Variants in OTOF observed in about 807,000 individuals in gnomAD.
OTOF encodes the protein fer-1-like family member 2.
OTOF carries 218 observed loss-of-function variants against 236.8 expected under a neutral mutation model. That is an observed-to-expected ratio of 0.92 (90% CI 0.82 to 1.03). The LOEUF (loss-of-function observed/expected upper bound fraction) is 1.03. Among genes scored for constraint, OTOF ranks in the 50% least tolerant of loss-of-function variants. The pLI is 0.00. For missense variants in OTOF, 2,590 were observed against 2,694.4 expected (o/e 0.96, Z 0.86); for synonymous variants, 1,041 against 1,072.5 (o/e 0.97, Z 0.57).
Position 26,470,594 on chromosome 2 carries a change from TC to T in OTOF, c.4021del (p.Glu1341SerfsTer25). ...KYFASIDTMK[E>X]QLRQQEPSGI... Reference sequence around the variant, plus strand: ...CCCTCACCCTACCCGAGGTCTCACCTCCTTCATGGTGTCAATGGAGGCAAAG... The same window carrying T: ...CCCTCACCCTACCCGAGGTCTCACCTCTTCATGGTGTCAATGGAGGCAAAG... On this transcript the variant is annotated frameshift_variant and splice_region_variant, in exon 32 of 47. Transcript: ENST00000272371. LOFTEE classifies it high-confidence loss of function. This position sits in a 1 kb window ranked among gnomAD's most constrained non-coding sequence, Gnocchi z 4.3. 1 of 1,614,078 alleles carries T rather than the reference TC, an allele frequency of 6.2e-7. No homozygotes were observed. Among genetic ancestry groups the T allele is most frequent in the Non-Finnish European group, 8.5e-7 (1 of 1,179,992 alleles).
intron 39 of OTOF, among the ~76,000 whole-genome samples, chr2:26,464,565 GAGTCACTAGA>G (rs1558469805): frequency 6.6e-6 from 1 of 152,176 alleles, no homozygotes; most frequent in Non-Finnish European, 1.5e-5. Flanking sequence ...GACCTTGGGC[GAGTCACTAGA>G]AGTAGGATCT....
intron 38 of OTOF, 120 bp downstream of exon 38, chr2:26,465,552 C>T (rs1572407392): frequency 9.3e-7 from 1 of 1,079,204 alleles, no homozygotes; most frequent in Non-Finnish European, 1.4e-6. Flanking sequence ...GGGGCAGAGG[C>T]CTGGCCTGGG....
intron 1 of OTOF, among the ~76,000 whole-genome samples, chr2:26,549,280 A>G (rs1376640478): frequency 2.0e-5 from 3 of 152,178 alleles, no homozygotes; most frequent in Non-Finnish European, 2.9e-5. Context: ...ATGTATTGAG[A>G]CTTGTCTAAT....
Position 26,510,834 on chromosome 2 carries a change from C to A in OTOF, c.509+5584G>T, listed in dbSNP as rs575984503. On this transcript the variant is annotated intron_variant, in intron 5 of 46. Coordinates refer to ENST00000272371, the MANE Select transcript of OTOF (RefSeq NM_194248.3). ...GACACTGGCCTCAGCCCCGGCCCCACGGGCCTGCACGCTCCCCGGGGGCCT... is the reference window on the plus strand; with the variant it reads ...GACACTGGCCTCAGCCCCGGCCCCAAGGGCCTGCACGCTCCCCGGGGGCCT... 14 of 833,742 alleles carry A rather than the reference C, an allele frequency of 1.7e-5. No individual in the cohort carries two copies. The African/African-American group carries it at 1.9e-4, about 12-fold the overall frequency. The allele number at this position is 833,742 out of a possible 1,614,324, so 51.6% of individuals were successfully genotyped here. A position where few individuals can be genotyped will look rare whatever the true frequency, so the allele number is the denominator to read the frequency against.
intron 2 of OTOF, among the ~76,000 whole-genome samples, chr2:26,537,221 G>A (rs563379068): frequency 1.4e-4 from 21 of 152,316 alleles, no homozygotes; most frequent in Middle Eastern, 3.4e-3. Context: ...TGGAGATGGC[G>A]CCCTCACTCA....
chr2:26,473,280 G>C lies in OTOF; in HGVS notation c.3585C>G (p.Asn1195Lys), dbSNP rs1338036516. The C allele has an allele frequency of 1.2e-6, 2 of 1,613,138 alleles. No homozygotes were observed. Among genetic ancestry groups the C allele is most frequent in the African/African-American group, 2.7e-5 (2 of 74,906 alleles). ...TGTTCAAGGGCGGGTGCAGCAGCTCGTTCTCTGGGAGGTCCTGGGGTGTTG... is the reference window on the plus strand; with the variant it reads ...TGTTCAAGGGCGGGTGCAGCAGCTCCTTCTCTGGGAGGTCCTGGGGTGTTG... ...VKWFEVDLPE[N>K]ELLHPPLNIR... The change falls in exon 29 of 47, where the codon AAC becomes AAG. Residue 1195 changes from asparagine (N) to lysine (K), a missense_variant. By Grantham distance (94) the Asn-to-Lys change is moderately conservative. Transcript: ENST00000272371. The surrounding 1 kb of genome is among the most constrained non-coding windows in gnomAD (Gnocchi z 7.2).
Position 26,516,750 on chromosome 2 carries a change from T to C in OTOF, c.328-151A>G, listed in dbSNP as rs1666538868. Reference sequence around the variant, plus strand: ...TGGTATGATCCCCTCTGCCCCATTTTGCTGATGAGAAAACAGAGGCTCTGA... The same window carrying C: ...TGGTATGATCCCCTCTGCCCCATTTCGCTGATGAGAAAACAGAGGCTCTGA... On this transcript the variant is annotated intron_variant, in intron 4 of 46. Coordinates refer to ENST00000272371, the MANE Select transcript of OTOF (RefSeq NM_194248.3). 3 of 816,728 alleles carry C rather than the reference T, an allele frequency of 3.7e-6. No individual in the cohort carries two copies. The South Asian group carries it at 4.4e-5, about 12-fold the overall frequency. The allele number at this position is 816,728 out of a possible 1,614,324, so 50.6% of individuals were successfully genotyped here. A position where few individuals can be genotyped will look rare whatever the true frequency, so the allele number is the denominator to read the frequency against.
intron 13 of OTOF, among the ~76,000 whole-genome samples, chr2:26,483,216 C>G (rs897583990): frequency 2.8e-4 from 43 of 151,816 alleles, no homozygotes; most frequent in Admixed American, 2.1e-3. Flanking sequence ...TGTGTGTGTG[C>G]GTGCCTGTGT....
intron 2 of OTOF, among the ~76,000 whole-genome samples, chr2:26,532,124 G>GAAAAAAAAAA (rs145047144): frequency 7.2e-6 from 1 of 139,326 alleles, no homozygotes; most frequent in African/African-American, 3.0e-5. Context: ...AAGACTGAAG[G>GAAAAAAAAAA]AAAAGGGCTT....
chr2:26,503,852 G>T lies in OTOF; in HGVS notation c.510-7C>A. 1.2e-6 allele frequency: 2 copies of T among 1,613,620 alleles called. No individual in the cohort carries two copies. The highest frequency in any genetic ancestry group is 2.2e-5 in the South Asian group (2 of 91,082). ...GAACACGCTCCTCCCGGCTCTGTGAGGGGGGCCACCAGAATGAGGTGCAGG... is the reference window on the plus strand; with the variant it reads ...GAACACGCTCCTCCCGGCTCTGTGATGGGGGCCACCAGAATGAGGTGCAGG... On this transcript the variant is annotated splice_region_variant and splice_polypyrimidine_tract_variant and intron_variant, in intron 5 of 46. Transcript: ENST00000272371.
rs1393560880 is a variant in OTOF at position 26,467,510 on chromosome 2, A to C, written c.4091-9T>G. The stretch of plus-strand genomic sequence containing the variant: ...CATTGACCCCTTCAGGCCTGGCCAG[A>C]AGCAGAAAAGGAGGTGGAGCAGAAA... On this transcript the variant is annotated splice_polypyrimidine_tract_variant and intron_variant, in intron 33 of 46. Transcript: ENST00000272371. 1.9e-6 allele frequency: 3 copies of C among 1,613,288 alleles called. No homozygotes were observed. The South Asian group carries it at 3.3e-5, about 18-fold the overall frequency.
At chr2:26,557,315 C>G (rs990303405) in intron 1 of OTOF, among the ~76,000 whole-genome samples, 1 of 152,216 alleles carries the variant, frequency 6.6e-6, no homozygotes, top group African/African-American at 2.4e-5. Context: ...ACCTCGTCCC[C>G]ATCCCACTCT....
At chr2:26,525,159 G>A (rs759730657) in intron 3 of OTOF, among the ~76,000 whole-genome samples, 1 of 152,236 alleles carries the variant, frequency 6.6e-6, no homozygotes, top group African/African-American at 2.4e-5. Flanking sequence ...CCTGAATGGT[G>A]TGATGCCATG....
In OTOF at chr2:26,462,102, T is replaced by C; in HGVS notation, c.5272A>G (p.Ser1758Gly). Residue 1758 changes from serine to glycine, a missense_variant, in exon 42 of 47, where the codon AGT becomes GGT. By Grantham distance (56) the Ser-to-Gly change is moderately conservative. Transcript: ENST00000272371. The surrounding 1 kb of genome is among the most constrained non-coding windows in gnomAD (Gnocchi z 4.7). ...ACCCACCCCCTCACGAAGATGTCAC[T>C]GGACTTCTCCCCTGTGAAGAAGTCG... is the stretch of plus-strand genomic sequence containing the variant. ...DDDFFTGEKSSDIFVRGWLKG... is the reference protein window; with the variant it reads ...DDDFFTGEKSGDIFVRGWLKG... 1 of 1,552,314 alleles carries C rather than the reference T, an allele frequency of 6.4e-7. No homozygotes were observed. The highest frequency in any genetic ancestry group is 8.8e-7 in the Non-Finnish European group (1 of 1,139,598).
intron 39 of OTOF, 85 bp downstream of exon 39, chr2:26,464,780 TGTGA>T: frequency 7.6e-7 from 1 of 1,323,696 alleles, no homozygotes; most frequent in South Asian, 1.4e-5. Context: ...CAGGCTAGGC[TGTGA>T]GGTTCCCCAG....
intron 1 of OTOF, among the ~76,000 whole-genome samples, chr2:26,555,951 A>AG (rs1667575962): frequency 6.6e-6 from 1 of 152,232 alleles, no homozygotes; most frequent in South Asian, 2.1e-4. Flanking sequence ...GAGGAAACTG[A>AG]GGGTGAGTGG....
intron 2 of OTOF, among the ~76,000 whole-genome samples, chr2:26,533,727 G>A (rs914854825): frequency 4.6e-5 from 7 of 152,114 alleles, no homozygotes; most frequent in Middle Eastern, 3.2e-3. Flanking sequence ...AGCCCACTCG[G>A]TCTGGGCACA....
chr2:26,527,886 C>T lies in OTOF; in HGVS notation c.173G>A (p.Arg58Lys), dbSNP rs201067363. 24 of 1,614,108 alleles carry T rather than the reference C, an allele frequency of 1.5e-5. No homozygotes were observed. In the Admixed American group the frequency reaches 3.3e-4, roughly 22 times the overall value. The part of the protein sequence containing the change: ...FRWPVASSID[R>K]NEMLEIQVFN... ...AACCTGAATCTCCAGCATCTCATTT[C>T]TGTCGATGCTGCTGGCCACCGGCCA... Residue 58 changes from arginine to lysine, a missense_variant, in exon 3 of 47, where the codon AGA (arginine) becomes AAA (lysine). Transcript: ENST00000272371.
At position 26,461,125 on chromosome 2, in the gene OTOF, G is replaced by C; in HGVS notation, c.5534-95C>G. The C allele has an allele frequency of 9.5e-7, 1 of 1,050,764 alleles. No homozygotes were observed. The highest frequency in any genetic ancestry group is 1.4e-6 in the Non-Finnish European group (1 of 706,530). The allele number at this position is 1,050,764 out of a possible 1,614,324, so 65.1% of individuals were successfully genotyped here. On this transcript the variant is annotated intron_variant, in intron 43 of 46. Transcript: ENST00000272371. This position sits in a 1 kb window ranked among gnomAD's most constrained non-coding sequence, Gnocchi z 6.2. ...GGCTCCTCGGCCCCTTGTTTGCTGA[G>C]TGCAGACCTCCCTGAGCCCACATCT...
Sources: gnomAD v4.1 joint callset for allele counts (sites outside exome capture counted in the v4.1 genomes callset) on GRCh38, gnomAD v4.1.1 for gene constraint, Gnocchi (gnomAD v3.1) non-coding constraint, MANE v1.5 for transcripts, NCBI Gene and HGNC (gene_info 2026-07-23, HGNC 2026-07-21) for gene names.